CCDC93: variants seen among roughly 807,000 people sequenced by gnomAD.
CCDC93 encodes the protein CCC complex scaffolding subunit CCDC93, also known as coiled-coil domain-containing protein 93.
In CCDC93, 61 loss-of-function variants were observed where a neutral mutation model predicts 108.2. The ratio of observed to expected loss-of-function variants is 0.56; its 90% CI spans 0.46 to 0.70. The LOEUF (loss-of-function observed/expected upper bound fraction) is 0.70. Ranked by LOEUF, CCDC93 falls within the 30% of genes least tolerant of loss-of-function variation. CCDC93 has a pLI of 0.00. For missense variants in CCDC93, 685 were observed against 764.2 expected, an observed-to-expected ratio of 0.90 and a Z score of 1.22; for synonymous variants, 276 against 260.4, an observed-to-expected ratio of 1.06 and a Z score of -0.58.
intron 6 of CCDC93, among the ~76,000 whole-genome samples, chr2:117,989,454 T>C (rs1221227134): frequency 6.6e-6 from 1 of 152,228 alleles, no homozygotes; most frequent in Non-Finnish European, 1.5e-5. Context: ...AGCTTATATA[T>C]GCTACTGCCA....
At chr2:117,975,399 TC>T in intron 8 of CCDC93, 119 bp from the exon 9 acceptor site, 7 of 714,104 alleles carry the variant, frequency 9.8e-6, no homozygotes, top group Non-Finnish European at 1.7e-5. Context: ...AGCAGCAGCA[TC>T]CTGAGAGAGT....
At chr2:117,950,786 G>A (rs1679028880) in intron 13 of CCDC93, 4 of 985,264 alleles carry the variant, frequency 4.1e-6, no homozygotes, top group South Asian at 4.7e-5. Flanking sequence ...TTTCTAGATG[G>A]GAATTAGTCT....
At chr2:117,954,477 AG>A (rs1331160461) in intron 12 of CCDC93, among the ~76,000 whole-genome samples, 1 of 152,208 alleles carries the variant, frequency 6.6e-6, no homozygotes, top group Non-Finnish European at 1.5e-5. Flanking sequence ...TTTCTTAAAT[AG>A]GAAGTGTCCC....
intron 23 of CCDC93, among the ~76,000 whole-genome samples, chr2:117,930,071 T>C (rs1678276063): frequency 6.6e-6 from 1 of 152,210 alleles, no homozygotes; most frequent in Admixed American, 6.5e-5. Context: ...GATGAGATTT[T>C]GAAATGCCTA....
At chr2:117,930,221 A>C (rs1041188562) in intron 23 of CCDC93, among the ~76,000 whole-genome samples, 1 of 152,178 alleles carries the variant, frequency 6.6e-6, no homozygotes, top group Admixed American at 6.5e-5. Context: ...CTGCAGACCA[A>C]ACACCAGGAT....
intron 22 of CCDC93, among the ~76,000 whole-genome samples, chr2:117,932,538 C>A (rs1678376428): frequency 6.6e-6 from 1 of 152,156 alleles, no homozygotes; most frequent in South Asian, 2.1e-4. Context: ...AGTCCCAAGA[C>A]CCTGTGCCCT....
intron 23 of CCDC93, among the ~76,000 whole-genome samples, chr2:117,924,521 G>C (rs10187037): frequency 0.42 from 63,704 of 152,100 alleles, 14,027 homozygotes; most frequent in Middle Eastern, 0.53. Flanking sequence ...CTGGAAGAAA[G>C]GGTATCAGTG....
intron 22 of CCDC93, chr2:117,931,627 T>A (rs1440131828): frequency 6.5e-6 from 1 of 152,822 alleles, no homozygotes; most frequent in Non-Finnish European, 1.5e-5. Flanking sequence ...AAACCCTGAT[T>A]TAAAAACTGT....
chr2:117,987,731 G>A (rs1680361908), intron 6 of CCDC93, among the ~76,000 whole-genome samples: 4 of 152,170 alleles, frequency 2.6e-5, no homozygotes, highest in South Asian at 4.1e-4. Context: ...CTTAAAAAAT[G>A]TAGTCTGAGA....
intron 11 of CCDC93, among the ~76,000 whole-genome samples, chr2:117,964,205 G>A (rs1350246923): frequency 1.3e-5 from 2 of 152,094 alleles, no homozygotes; most frequent in Admixed American, 6.5e-5. Context: ...GTGGGGGCAC[G>A]GTGGTATGCA....
intron 8 of CCDC93, 142 bp downstream of exon 8, chr2:117,977,852 C>T (rs919048513): frequency 5.8e-5 from 40 of 695,574 alleles, no homozygotes; most frequent in Admixed American, 4.4e-4. Context: ...AAAGCCAGGA[C>T]GGAGATGCAG....
At chr2:117,995,371 C>T (rs552380302) in intron 6 of CCDC93, 75 bp downstream of exon 6, 41 of 1,149,184 alleles carry the variant, frequency 3.6e-5, no homozygotes, top group Non-Finnish European at 4.7e-5. Flanking sequence ...TCAGGAGCAG[C>T]GCTTTTGTGA....
Position 117,919,728 on chromosome 2 carries a change from G to A in CCDC93, c.*615C>T, listed in dbSNP as rs1042807688. 6.6e-6 allele frequency: 1 copy of A among 152,256 alleles called. No homozygotes were observed. Among genetic ancestry groups the A allele is most frequent in the African/African-American group, 2.4e-5 (1 of 41,458 alleles). The allele number at this position is 152,256 out of a possible 1,614,324, so 9.4% of individuals were successfully genotyped here. ...TCGTTCCAGTTGCTGTCACCACCAAGCCTGCTGGCTGGCACCTGGAGGAGC... is the reference window on the plus strand; with the variant it reads ...TCGTTCCAGTTGCTGTCACCACCAAACCTGCTGGCTGGCACCTGGAGGAGC... On this transcript the variant is annotated 3_prime_UTR_variant, in exon 24 of 24. Transcript: ENST00000376300.
intron 1 of CCDC93, among the ~76,000 whole-genome samples, chr2:118,013,173 T>C (rs1480340752): frequency 6.6e-6 from 1 of 152,236 alleles, no homozygotes; most frequent in Non-Finnish European, 1.5e-5. Flanking sequence ...ACTTTCCCTG[T>C]ATTCCCAGCA....
chr2:117,970,942 G>A (rs1679740645), intron 11 of CCDC93, among the ~76,000 whole-genome samples: 1 of 152,120 alleles, frequency 6.6e-6, no homozygotes, highest in African/African-American at 2.4e-5. Flanking sequence ...CCTCTCAGCA[G>A]AAACTATCTG....
chr2:117,939,112 CTG>C lies in CCDC93; in HGVS notation c.1523-3_1523-2del, dbSNP rs761522024. On this transcript the variant is annotated splice_acceptor_variant and splice_polypyrimidine_tract_variant and intron_variant, in intron 19 of 23. Transcript: ENST00000376300. LOFTEE classifies it high-confidence loss of function. ...TTGGTTTCTTTGTGCACTGCTGAAA[CTG>C]TAAAAGTAAAGAAATCAGCACACGA... 5 of 1,587,356 alleles carry C rather than the reference CTG, an allele frequency of 3.1e-6. No homozygotes were observed. Among genetic ancestry groups the C allele is most frequent in the Admixed American group, 1.7e-5 (1 of 59,822 alleles).
intron 3 of CCDC93, among the ~76,000 whole-genome samples, chr2:118,003,898 T>G (rs983412379): frequency 6.6e-6 from 1 of 152,140 alleles, no homozygotes; most frequent in Non-Finnish European, 1.5e-5. Flanking sequence ...AGCTTCTACC[T>G]GCGGCTCTAG....
At chr2:117,946,205 C>G (rs916887517) in intron 16 of CCDC93, among the ~76,000 whole-genome samples, 1 of 152,190 alleles carries the variant, frequency 6.6e-6, no homozygotes, top group African/African-American at 2.4e-5. Context: ...TGCGGTCTGG[C>G]GTGGGGTGGC....
rs993449107 is a variant in CCDC93, at chr2:117,946,803, G to A, written c.1296+8C>T. ...TGAGAGTCTCAAGGACTAATTCAGA[G>A]CCTTTACCTTTTCATCTCCACGTGG... is the stretch of plus-strand genomic sequence containing the variant. On this transcript the variant is annotated splice_region_variant and intron_variant, in intron 16 of 23. Coordinates refer to ENST00000376300, the MANE Select transcript of CCDC93 (RefSeq NM_019044.5). 2.5e-6 allele frequency: 4 copies of A among 1,604,800 alleles called. No homozygotes were observed. Among genetic ancestry groups the A allele is most frequent in the Non-Finnish European group, 2.6e-6 (3 of 1,171,488 alleles).
Sources: gnomAD v4.1 joint callset for allele counts (sites outside exome capture counted in the v4.1 genomes callset) on GRCh38, gnomAD v4.1.1 for gene constraint, MANE v1.5 for transcripts, NCBI Gene and HGNC (gene_info 2026-07-23, HGNC 2026-07-21) for gene names.